The following ZFHX3 variants were observed in gnomAD, a reference collection of about 807,000 sequenced individuals.
ZFHX3 encodes the protein zinc finger homeobox protein 3.
A neutral mutation model predicts 279.1 loss-of-function variants in ZFHX3; 42 were observed. The observed-to-expected ratio is 0.15, with a 90% CI of 0.12 to 0.19. The LOEUF (loss-of-function observed/expected upper bound fraction) is 0.19. Among genes scored for constraint, ZFHX3 ranks in the 10% least tolerant of loss-of-function variants. The pLI is 1.00. For synonymous variants in ZFHX3, 2,293 were observed against 1,957.8 expected (o/e 1.17, Z -4.52); for missense variants, 4,981 against 4,754.0 (o/e 1.05, Z -1.40).
intron 7 of ZFHX3, among the ~76,000 whole-genome samples, chr16:73,120,855 C>T (rs762018668): frequency 6.6e-6 from 1 of 151,778 alleles, no homozygotes; most frequent in Non-Finnish European, 1.5e-5. Flanking sequence ...GGGATTTCAC[C>T]GTGTTAGCCA....
chr16:72,938,603 T>G (rs1960245491), intron 3 of ZFHX3, among the ~76,000 whole-genome samples: 1 of 151,968 alleles, frequency 6.6e-6, no homozygotes, highest in African/African-American at 2.4e-5. Context: ...TCCACAGAGG[T>G]GTCACTCGAG....
Position 73,008,911 on chromosome 16 carries a change from C to CGTGTGTGT in ZFHX3, c.-50+38833_-50+38840dup, listed in dbSNP as rs5817822. 9.8e-3 allele frequency among the ~76,000 whole-genome samples: 1,466 copies of CGTGTGTGT among 149,704 alleles called. 21 individuals carry two copies. The highest frequency in any genetic ancestry group is 0.034 in the African/African-American group (1,381 of 40,704). On this transcript the variant is annotated intron_variant, in intron 1 of 9. Transcript: ENST00000268489. ...AGCTACAAGAAAAATAAAGTATATACGTGTGTGTGTGTGTGTGTGTGTGTG... is the reference window on the plus strand; with the variant it reads ...AGCTACAAGAAAAATAAAGTATATACGTGTGTGTGTGTGTGTGTGTGTGTGTGTGTGTG...
chr16:73,524,835 A>G (rs2019665295), intron 2 of ZFHX3, among the ~76,000 whole-genome samples: 1 of 152,142 alleles, frequency 6.6e-6, no homozygotes, highest in Non-Finnish European at 1.5e-5. Context: ...ATATTTGTAC[A>G]CAGTCTTTCC....
At chr16:73,285,467 A>T (rs2014572777) in intron 4 of ZFHX3, among the ~76,000 whole-genome samples, 1 of 152,224 alleles carries the variant, frequency 6.6e-6, no homozygotes, top group Non-Finnish European at 1.5e-5. Context: ...CTCTGGGTTG[A>T]CATTTAGCCC....
chr16:73,689,786 A>G (rs2053128058), intron 1 of ZFHX3, among the ~76,000 whole-genome samples: 1 of 151,936 alleles, frequency 6.6e-6, no homozygotes, highest in South Asian at 2.1e-4. Context: ...AAGCTTACCC[A>G]GCTCTGAGGA....
chr16:73,888,491 G>T (rs2030423314), intron 1 of ZFHX3, among the ~76,000 whole-genome samples: 1 of 152,120 alleles, frequency 6.6e-6, no homozygotes, highest in African/African-American at 2.4e-5. Flanking sequence ...TTCAATTCAA[G>T]GAGAAAAGGT....
intron 1 of ZFHX3, among the ~76,000 whole-genome samples, chr16:73,805,589 T>C (rs879603867): frequency 6.6e-6 from 1 of 152,222 alleles, no homozygotes; most frequent in Non-Finnish European, 1.5e-5. Flanking sequence ...ATGGAATAGA[T>C]GAAGGAGTGG....
intron 1 of ZFHX3, among the ~76,000 whole-genome samples, chr16:73,790,936 G>A (rs561947906): frequency 2.0e-4 from 31 of 152,268 alleles, no homozygotes; most frequent in South Asian, 1.7e-3. Flanking sequence ...TACAATTCTT[G>A]TTGTGCTTAC....
chr16:72,824,509 A>T lies in ZFHX3; in HGVS notation c.3529+5270T>A, dbSNP rs961268888. 2.6e-5 allele frequency among the ~76,000 whole-genome samples: 4 copies of T among 152,168 alleles called. No individual in the cohort carries two copies. The South Asian group carries it at 8.3e-4, about 32-fold the overall frequency. ...GAACGTCAGGGATTTTTGAAGCATT[A>T]TTGTGGTGTCATTTCAAGTTGAGCT... On this transcript the variant is annotated intron_variant, in intron 5 of 9. Transcript: ENST00000268489.
At chr16:73,684,175 T>G (rs567081678) in intron 1 of ZFHX3, among the ~76,000 whole-genome samples, 8 of 152,262 alleles carry the variant, frequency 5.3e-5, no homozygotes, top group African/African-American at 1.9e-4. Context: ...GTACCTGTAG[T>G]CCCAGCTACT....
chr16:73,646,403 G>A (rs1441657966), intron 2 of ZFHX3, among the ~76,000 whole-genome samples: 1 of 151,748 alleles, frequency 6.6e-6, no homozygotes, highest in East Asian at 1.9e-4. Flanking sequence ...GTATTTCATA[G>A]AAAATAAGAA....
At chr16:72,971,878 ATTTT>A (rs34508228) in intron 1 of ZFHX3, among the ~76,000 whole-genome samples, 1,785 of 95,396 alleles carry the variant, frequency 0.019, 12 homozygotes, top group African/African-American at 0.044. Flanking sequence ...CTGCCTATTA[ATTTT>A]TTTTTTTTTT....
intron 8 of ZFHX3, among the ~76,000 whole-genome samples, chr16:73,068,973 C>T (rs1965790544): frequency 6.6e-6 from 1 of 152,214 alleles, no homozygotes; most frequent in Admixed American, 6.5e-5. Context: ...TACTGACCAC[C>T]CCTTTGGGCG....
chr16:73,478,359 T>A (rs1039630756), intron 2 of ZFHX3, among the ~76,000 whole-genome samples: 1 of 151,920 alleles, frequency 6.6e-6, no homozygotes, highest in Non-Finnish European at 1.5e-5. Context: ...AGATTAAAAG[T>A]CTGATGCTCT....
intron 2 of ZFHX3, 142 bp from the exon 3 acceptor site, chr16:72,951,107 G>T (rs1353621950): frequency 5.0e-6 from 6 of 1,189,692 alleles, no homozygotes; most frequent in Non-Finnish European, 7.0e-6. Flanking sequence ...AGGGCTACTG[G>T]CTGGAAAACA....
intron 1 of ZFHX3, among the ~76,000 whole-genome samples, chr16:73,702,400 T>A (rs2053257200): frequency 6.6e-6 from 1 of 152,148 alleles, no homozygotes; most frequent in Non-Finnish European, 1.5e-5. Flanking sequence ...CAGCAGTGTT[T>A]CAGAACTGTG....
intron 3 of ZFHX3, among the ~76,000 whole-genome samples, chr16:73,372,802 C>A (rs2016654718): frequency 6.6e-6 from 1 of 152,086 alleles, no homozygotes; most frequent in Non-Finnish European, 1.5e-5. Flanking sequence ...TTTAGTAGGA[C>A]CGACACAAAA....
At chr16:73,840,868 G>C (rs370973756) in intron 1 of ZFHX3, among the ~76,000 whole-genome samples, 2 of 152,126 alleles carry the variant, frequency 1.3e-5, no homozygotes, top group Non-Finnish European at 2.9e-5. Context: ...CACTCTTCCA[G>C]TTGGGAGGGG....
intron 2 of ZFHX3, among the ~76,000 whole-genome samples, chr16:73,482,539 G>A (rs545352307): frequency 2.4e-4 from 36 of 152,210 alleles, no homozygotes; most frequent in Non-Finnish European, 2.1e-4. Context: ...AGAGGTCTCG[G>A]GAAGCCTCTC....
Sources: gnomAD v4.1 joint callset for allele counts (sites outside exome capture counted in the v4.1 genomes callset) on GRCh38, gnomAD v4.1.1 for gene constraint, MANE v1.5 for transcripts, NCBI Gene and HGNC (gene_info 2026-07-23, HGNC 2026-07-21) for gene names.